The following FAAH2 variants were observed in gnomAD, a reference collection of about 807,000 sequenced individuals.
FAAH2 encodes fatty-acid amide hydrolase 2.
FAAH2 carries 60 observed loss-of-function variants against 36.9 expected under a neutral mutation model. That is an observed-to-expected ratio of 1.63 (90% CI 1.32 to 2.02). The LOEUF is 2.02. FAAH2 is among the 30% of genes most tolerant of loss of function. The probability of loss-of-function intolerance (pLI) is 0.00; values close to 1 mark genes in which losing one functional copy is unlikely to be tolerated. For synonymous variants in FAAH2, 214 were observed against 143.8 expected (o/e 1.49, Z -3.49); for missense variants, 689 against 397.5 (o/e 1.73, Z -6.23).
intron 7 of FAAH2, among the ~76,000 whole-genome samples, chrX:57,419,716 A>G (rs761549222): frequency 9.0e-6 from 1 of 111,599 alleles, no homozygotes; most frequent in Non-Finnish European, 1.9e-5. Context: ...GAAGCTCTTG[A>G]GTTTAATTAG....
chrX:57,153,921 G>C, the FAAH2 span, among the ~76,000 whole-genome samples: 3 of 112,326 alleles, frequency 2.7e-5, no homozygotes, highest in African/African-American at 9.7e-5. Flanking sequence ...CAATGCCAGG[G>C]ATGTTTTACT....
At chrX:57,347,059 A>G (rs1010934942) in intron 5 of FAAH2, among the ~76,000 whole-genome samples, 2 of 111,066 alleles carry the variant, frequency 1.8e-5, no homozygotes, top group African/African-American at 6.6e-5. Flanking sequence ...GTCATCTTGT[A>G]TAGTACCTAG....
intron 7 of FAAH2, among the ~76,000 whole-genome samples, chrX:57,422,336 TG>T (rs1223820936): frequency 8.9e-6 from 1 of 112,043 alleles, no homozygotes; most frequent in Non-Finnish European, 1.9e-5. Context: ...AACTGGTCTT[TG>T]CAATCCCTCC....
chrX:57,148,316 G>A, the FAAH2 span, among the ~76,000 whole-genome samples: 2 of 111,857 alleles, frequency 1.8e-5, no homozygotes, highest in South Asian at 3.8e-4. Flanking sequence ...TTGGTAGCTT[G>A]ATGGGGATGG....
chrX:57,465,604 C>G (rs2057034568), intron 10 of FAAH2, among the ~76,000 whole-genome samples: 1 of 110,700 alleles, frequency 9.0e-6, no homozygotes, highest in African/African-American at 3.3e-5. Flanking sequence ...AATGTTAAGA[C>G]AAAATAAAAA....
the FAAH2 span, among the ~76,000 whole-genome samples, chrX:57,267,153 C>T: frequency 8.9e-6 from 1 of 112,757 alleles, no homozygotes; most frequent in South Asian, 3.6e-4. Context: ...CCAGCCTGCA[C>T]ATTCCCTTGC....
At chrX:57,384,627 A>G (rs1250169307) in intron 7 of FAAH2, among the ~76,000 whole-genome samples, 1 of 110,954 alleles carries the variant, frequency 9.0e-6, no homozygotes, top group African/African-American at 3.2e-5. Flanking sequence ...ACAATGAGAT[A>G]CCATCTCACA....
Position 57,364,931 on chromosome X carries a change from A to G in FAAH2, c.743-13720A>G, listed in dbSNP as rs1250962166. Among the ~76,000 whole-genome samples, 4 of 111,567 alleles carry G rather than the reference A, an allele frequency of 3.6e-5. No individual in the cohort carries two copies. The East Asian group carries it at 1.1e-3, about 31-fold the overall frequency. On this transcript the variant is annotated intron_variant, in intron 5 of 10. Transcript: ENST00000374900. ...GGTCTATGAGTGTAGTTGTTATTATATATTTTTTAAAATTAGTTTGGATGT... is the reference window on the plus strand; with the variant it reads ...GGTCTATGAGTGTAGTTGTTATTATGTATTTTTTAAAATTAGTTTGGATGT...
the FAAH2 span, among the ~76,000 whole-genome samples, chrX:57,256,145 C>T: frequency 1.8e-5 from 2 of 111,132 alleles, no homozygotes; most frequent in Non-Finnish European, 3.8e-5. Context: ...GACAAGCAGC[C>T]AGATTATGAT....
the FAAH2 span, among the ~76,000 whole-genome samples, chrX:57,159,711 T>A: frequency 8.9e-6 from 1 of 112,142 alleles, no homozygotes; most frequent in Non-Finnish European, 1.9e-5. Context: ...TTTGCTGAAG[T>A]TGCTTATCAG....
chrX:57,296,022 G>T (rs2052141039), intron 2 of FAAH2, among the ~76,000 whole-genome samples: 1 of 112,493 alleles, frequency 8.9e-6, no homozygotes, highest in Non-Finnish European at 1.9e-5. Context: ...CTCCACCTCT[G>T]GGGGCAGGAC....
chrX:57,353,716 A>G (rs2054089536), intron 5 of FAAH2, among the ~76,000 whole-genome samples: 1 of 111,045 alleles, frequency 9.0e-6, no homozygotes, highest in South Asian at 3.7e-4. Context: ...ATTCAACTGA[A>G]GACTTATATT....
chrX:57,266,956 G>A, the FAAH2 span, among the ~76,000 whole-genome samples: 98 of 112,411 alleles, frequency 8.7e-4, 2 homozygotes, highest in Middle Eastern at 0.014. Context: ...GGGCAGCCTT[G>A]CACATCAGAT....
intron 3 of FAAH2, among the ~76,000 whole-genome samples, chrX:57,322,912 C>A (rs1035333157): frequency 1.0e-4 from 11 of 109,690 alleles, no homozygotes; most frequent in Admixed American, 9.8e-4. Context: ...ATACAAGTGC[C>A]ATGTTGGTGT....
At chrX:57,333,341 C>T (rs2053457378) in intron 4 of FAAH2, among the ~76,000 whole-genome samples, 2 of 111,630 alleles carry the variant, frequency 1.8e-5, no homozygotes. Context: ...TCTTTTATCT[C>T]AGTACATCAT....
At chrX:57,338,534 G>T (rs560550136) in intron 4 of FAAH2, among the ~76,000 whole-genome samples, 8 of 111,535 alleles carry the variant, frequency 7.2e-5, no homozygotes, top group African/African-American at 2.3e-4. Flanking sequence ...CAGGGGATGC[G>T]ATGGCTTGGC....
chrX:57,219,498 G>A, the FAAH2 span, among the ~76,000 whole-genome samples: 4 of 111,943 alleles, frequency 3.6e-5, no homozygotes, highest in Non-Finnish European at 1.9e-5. Flanking sequence ...TTCCCCAGAA[G>A]CCCAGTTAAC....
intron 5 of FAAH2, among the ~76,000 whole-genome samples, chrX:57,355,902 G>C (rs761427417): frequency 9.0e-6 from 1 of 110,984 alleles, no homozygotes; most frequent in East Asian, 2.8e-4. Flanking sequence ...TCAACATTGA[G>C]CATGTTAGCT....
the FAAH2 span, among the ~76,000 whole-genome samples, chrX:57,189,601 T>C: frequency 7.2e-5 from 8 of 111,125 alleles, no homozygotes; most frequent in Non-Finnish European, 1.5e-4. Context: ...ATGTTGATGG[T>C]ATTGCTTTCT....
Sources: gnomAD v4.1 joint callset for allele counts (sites outside exome capture counted in the v4.1 genomes callset) on GRCh38, gnomAD v4.1.1 for gene constraint, MANE v1.5 for transcripts, NCBI Gene and HGNC (gene_info 2026-07-23, HGNC 2026-07-21) for gene names.